The following ACYP2 variants were observed in gnomAD, a reference collection of about 807,000 sequenced individuals.
ACYP2 encodes the protein acylphosphatase 2.
In ACYP2, 12 loss-of-function variants were observed where a neutral mutation model predicts 11.2. The ratio of observed to expected loss-of-function variants is 1.08; its 90% CI spans 0.69 to 1.74. The LOEUF is 1.74. Ranked by LOEUF, ACYP2 falls within the 40% of genes most tolerant of loss-of-function variation. ACYP2 has a pLI of 0.00. For synonymous variants in ACYP2, 43 were observed against 32.2 expected, an observed-to-expected ratio of 1.33 and a Z score of -1.13; for missense variants, 134 against 101.9, an observed-to-expected ratio of 1.31 and a Z score of -1.35.
intron 6 of ACYP2, among the ~76,000 whole-genome samples, chr2:54,267,754 A>G (rs1175164579): frequency 6.6e-6 from 1 of 152,174 alleles, no homozygotes; most frequent in Non-Finnish European, 1.5e-5. Context: ...TGTTGGCAAA[A>G]GAACATCTTT....
At chr2:54,040,558 A>G (rs975724024) in intron 2 of ACYP2, among the ~76,000 whole-genome samples, 4 of 152,196 alleles carry the variant, frequency 2.6e-5, no homozygotes, top group Non-Finnish European at 4.4e-5. Flanking sequence ...TTTGGAGGTC[A>G]GAGAGATGAA....
intron 4 of ACYP2, among the ~76,000 whole-genome samples, chr2:54,075,919 T>C (rs1204329419): frequency 6.6e-6 from 1 of 152,252 alleles, no homozygotes; most frequent in Non-Finnish European, 1.5e-5. Flanking sequence ...GTCACTCATA[T>C]TGATATTTCT....
At chr2:54,261,524 A>T (rs1416644206) in intron 6 of ACYP2, among the ~76,000 whole-genome samples, 1 of 152,208 alleles carries the variant, frequency 6.6e-6, no homozygotes, top group African/African-American at 2.4e-5. Flanking sequence ...TTCTCTGGGA[A>T]ACAGAAAAAC....
chr2:54,086,164 C>A (rs1677935577), intron 4 of ACYP2, among the ~76,000 whole-genome samples: 1 of 152,076 alleles, frequency 6.6e-6, no homozygotes. Context: ...AGGCTGGTCT[C>A]AAACTCTTGA....
intron 6 of ACYP2, among the ~76,000 whole-genome samples, chr2:54,274,625 C>CAAAAAAAAAAA (rs70944155): frequency 2.7e-5 from 1 of 37,686 alleles, no homozygotes; most frequent in African/African-American, 1.2e-4. Context: ...GACTCCATCT[C>CAAAAAAAAAAA]AAAAAAAAAA....
chr2:54,168,041 G>A (rs1350605046), intron 6 of ACYP2, among the ~76,000 whole-genome samples: 3 of 152,056 alleles, frequency 2.0e-5, no homozygotes, highest in Non-Finnish European at 1.5e-5. Flanking sequence ...TATAAAAATT[G>A]CTTCTATATT....
intron 6 of ACYP2, among the ~76,000 whole-genome samples, 185 bp downstream of exon 3, chr2:54,138,933 G>A (rs192836623): frequency 6.6e-5 from 10 of 151,674 alleles, no homozygotes; most frequent in Admixed American, 5.9e-4. Context: ...GGGACTACAG[G>A]TGTGAGCCAC....
intron 2 of ACYP2, among the ~76,000 whole-genome samples, chr2:53,987,770 T>G (rs981591959): frequency 6.6e-6 from 1 of 152,168 alleles, no homozygotes; most frequent in Non-Finnish European, 1.5e-5. Flanking sequence ...TTATTTACCA[T>G]TTTTATATCC....
At chr2:54,223,071 A>C (rs1558624570) in intron 6 of ACYP2, 1 of 152,196 alleles carries the variant, frequency 6.6e-6, no homozygotes, top group Non-Finnish European at 1.5e-5. Flanking sequence ...TCTACCCTCA[A>C]GCTGGAGTGT....
chr2:53,986,838 T>C (rs907357103), intron 2 of ACYP2, among the ~76,000 whole-genome samples: 1 of 152,058 alleles, frequency 6.6e-6, no homozygotes, highest in Non-Finnish European at 1.5e-5. Flanking sequence ...TTGGCCAGGC[T>C]GGTCTTGAAC....
At chr2:54,113,328 C>T (rs1447719706) in intron 4 of ACYP2, among the ~76,000 whole-genome samples, 1 of 151,502 alleles carries the variant, frequency 6.6e-6, no homozygotes, top group Non-Finnish European at 1.5e-5. Flanking sequence ...CAACCTCTGC[C>T]TCCTGGGCAA....
chr2:54,188,022 C>T (rs191195304), intron 6 of ACYP2, among the ~76,000 whole-genome samples: 8 of 152,266 alleles, frequency 5.3e-5, no homozygotes, highest in African/African-American at 9.6e-5. Context: ...GCAGAGAGAC[C>T]GGGCACAAAC....
chr2:54,279,683 C>T (rs1688761497), intron 6 of ACYP2, among the ~76,000 whole-genome samples: 1 of 151,988 alleles, frequency 6.6e-6, no homozygotes, highest in Non-Finnish European at 1.5e-5. Context: ...CTGCCACTCC[C>T]TCCCTCCCCA....
intron 2 of ACYP2, among the ~76,000 whole-genome samples, chr2:54,031,540 G>C (rs936479659): frequency 6.6e-6 from 1 of 152,122 alleles, no homozygotes; most frequent in Non-Finnish European, 1.5e-5. Flanking sequence ...GGACATTTGG[G>C]TTGGTTCCAA....
intron 2 of ACYP2, among the ~76,000 whole-genome samples, chr2:54,042,777 C>A (rs558606414): frequency 6.6e-6 from 1 of 152,246 alleles, no homozygotes; most frequent in African/African-American, 2.4e-5. Flanking sequence ...TACCATCTGT[C>A]CTTGGCCAGG....
chr2:54,159,263 G>A (rs910502636), intron 6 of ACYP2, among the ~76,000 whole-genome samples: 5 of 151,866 alleles, frequency 3.3e-5, no homozygotes, highest in Non-Finnish European at 5.9e-5. Context: ...CATCTCATTC[G>A]GTCACGTGAA....
chr2:54,047,046 G>A (rs1280253860), intron 2 of ACYP2, among the ~76,000 whole-genome samples: 1 of 152,182 alleles, frequency 6.6e-6, no homozygotes, highest in African/African-American at 2.4e-5. Context: ...TATTATTCGT[G>A]TTATCATCAG....
intron 6 of ACYP2, among the ~76,000 whole-genome samples, chr2:54,297,710 G>C (rs1013164453): frequency 1.3e-5 from 2 of 152,016 alleles, no homozygotes; most frequent in East Asian, 3.9e-4. Flanking sequence ...CCTGTATCTT[G>C]TTTAAAAACA....
At chr2:53,982,594 C>G (rs971868235) in intron 2 of ACYP2, among the ~76,000 whole-genome samples, 3 of 152,122 alleles carry the variant, frequency 2.0e-5, no homozygotes, top group African/African-American at 7.2e-5. Flanking sequence ...CCACCCACTG[C>G]CTAGAATTCA....
Sources: gnomAD v4.1 joint callset for allele counts (sites outside exome capture counted in the v4.1 genomes callset) on GRCh38, gnomAD v4.1.1 for gene constraint, MANE v1.5 for transcripts, NCBI Gene and HGNC (gene_info 2026-07-23, HGNC 2026-07-21) for gene names.